The following RBFOX1 variants were observed in gnomAD, a reference collection of about 807,000 sequenced individuals.
The protein encoded by RBFOX1 is RNA binding protein fox-1 homolog 1.
A neutral mutation model predicts 57.7 loss-of-function variants in RBFOX1; 8 were observed. The observed-to-expected ratio is 0.14, with a 90% CI of 0.08 to 0.25. RBFOX1 has a LOEUF of 0.25. Ranked by LOEUF, RBFOX1 falls within the 10% of genes least tolerant of loss-of-function variation. RBFOX1 has a pLI of 1.00. For missense variants in RBFOX1, 611 were observed against 548.5 expected (o/e 1.11, Z -1.14); for synonymous variants, 326 against 222.4 (o/e 1.47, Z -4.15).
At chr16:7,424,771 A>G (rs2098593777) in intron 4 of RBFOX1, among the ~76,000 whole-genome samples, 1 of 152,206 alleles carries the variant, frequency 6.6e-6, no homozygotes, top group African/African-American at 2.4e-5. Flanking sequence ...CAAACAAACA[A>G]ACAAACAGTG....
intron 3 of RBFOX1, among the ~76,000 whole-genome samples, chr16:6,759,876 G>C (rs1168911453): frequency 6.6e-6 from 1 of 152,168 alleles, no homozygotes; most frequent in Non-Finnish European, 1.5e-5. Flanking sequence ...ACAGCGAACT[G>C]ATGAAATCAA....
intron 2 of RBFOX1, among the ~76,000 whole-genome samples, chr16:6,500,044 T>C (rs1005870201): frequency 2.6e-5 from 4 of 152,158 alleles, no homozygotes; most frequent in African/African-American, 9.7e-5. Context: ...AATGTTTTAT[T>C]TCTTCTTTTG....
chr16:7,005,742 T>G (rs1228269482), intron 3 of RBFOX1, among the ~76,000 whole-genome samples: 2 of 152,212 alleles, frequency 1.3e-5, no homozygotes, highest in Non-Finnish European at 2.9e-5. Flanking sequence ...GGTGATCATG[T>G]CTGAACTCAG....
chr16:5,299,147 C>T (rs191119805), intron 1 of RBFOX1, among the ~76,000 whole-genome samples: 64 of 152,018 alleles, frequency 4.2e-4, no homozygotes, highest in African/African-American at 1.5e-3. Flanking sequence ...ATTAAATTTG[C>T]CACTTCTTGG....
intron 3 of RBFOX1, among the ~76,000 whole-genome samples, chr16:7,010,719 A>G (rs2093614862): frequency 6.6e-6 from 1 of 152,056 alleles, no homozygotes; most frequent in South Asian, 2.1e-4. Context: ...GCATGCCACC[A>G]CTGCCCGGCT....
chr16:5,614,695 T>C (rs912559283), intron 3 of RBFOX1, among the ~76,000 whole-genome samples: 1 of 152,146 alleles, frequency 6.6e-6, no homozygotes, highest in African/African-American at 2.4e-5. Flanking sequence ...CCTGTACATA[T>C]CTTGTACTAG....
At chr16:6,887,932 G>A (rs2064495034) in intron 3 of RBFOX1, among the ~76,000 whole-genome samples, 1 of 152,098 alleles carries the variant, frequency 6.6e-6, no homozygotes, top group African/African-American at 2.4e-5. Context: ...AAAGTGCTGG[G>A]ATTATAGGTG....
chr16:7,060,967 C>T (rs1222758633), intron 4 of RBFOX1, among the ~76,000 whole-genome samples: 2 of 152,086 alleles, frequency 1.3e-5, no homozygotes, highest in Non-Finnish European at 2.9e-5. Context: ...TACAGAGAAC[C>T]CTCAGGATTC....
At chr16:6,184,666 T>G (rs1452260724) in intron 1 of RBFOX1, among the ~76,000 whole-genome samples, 1 of 152,088 alleles carries the variant, frequency 6.6e-6, no homozygotes, top group Admixed American at 6.5e-5. Context: ...TTCAAGCAAT[T>G]CTCCTGCCTC....
chr16:6,126,320 T>C (rs1422196542), intron 1 of RBFOX1, among the ~76,000 whole-genome samples: 3 of 152,228 alleles, frequency 2.0e-5, no homozygotes, highest in Admixed American at 2.0e-4. Context: ...CTTACCTTCC[T>C]ACTGGTGCCA....
chr16:7,173,318 C>T (rs1329659211), intron 4 of RBFOX1, among the ~76,000 whole-genome samples: 1 of 152,152 alleles, frequency 6.6e-6, no homozygotes, highest in Non-Finnish European at 1.5e-5. Flanking sequence ...AAACTAATAG[C>T]TGGAGCTCAG....
At chr16:5,741,291 G>A (rs1190355064) in intron 3 of RBFOX1, among the ~76,000 whole-genome samples, 1 of 152,164 alleles carries the variant, frequency 6.6e-6, no homozygotes, top group Non-Finnish European at 1.5e-5. Flanking sequence ...AAGGCCGCAA[G>A]CCCATCAATC....
At chr16:6,053,791 C>A (rs1346559555) in intron 1 of RBFOX1, among the ~76,000 whole-genome samples, 2 of 152,082 alleles carry the variant, frequency 1.3e-5, no homozygotes, top group East Asian at 3.9e-4. Flanking sequence ...AGTGGCCTGC[C>A]CCATACCTAT....
At chr16:5,503,155 G>A (rs2043257913) in intron 2 of RBFOX1, among the ~76,000 whole-genome samples, 1 of 152,208 alleles carries the variant, frequency 6.6e-6, no homozygotes, top group Non-Finnish European at 1.5e-5. Flanking sequence ...ATTGACTGCT[G>A]TGTGACTTCC....
intron 5 of RBFOX1, among the ~76,000 whole-genome samples, chr16:7,569,021 T>C (rs530094474): frequency 1.3e-5 from 2 of 152,212 alleles, no homozygotes; most frequent in Admixed American, 6.5e-5. Context: ...TTACGGTCAT[T>C]GTCCTAGGGA....
intron 9 of RBFOX1, among the ~76,000 whole-genome samples, chr16:7,600,454 T>C (rs1229479661): frequency 6.6e-6 from 1 of 152,064 alleles, no homozygotes; most frequent in Non-Finnish European, 1.5e-5. Context: ...TGAAAAAATA[T>C]AGGGCCCTTT....
chr16:6,848,637 G>C (rs141838999), intron 3 of RBFOX1, among the ~76,000 whole-genome samples: 56 of 152,184 alleles, frequency 3.7e-4, no homozygotes, highest in African/African-American at 1.3e-3. Flanking sequence ...AGAGATGATG[G>C]AAGGAAGGAA....
intron 1 of RBFOX1, among the ~76,000 whole-genome samples, chr16:6,141,273 C>T (rs2096713817): frequency 6.6e-6 from 1 of 152,200 alleles, no homozygotes. Context: ...TCCTCCCTAA[C>T]ACTTTATGAG....
At chr16:6,805,210 C>G (rs1370848260) in intron 3 of RBFOX1, among the ~76,000 whole-genome samples, 1 of 152,110 alleles carries the variant, frequency 6.6e-6, no homozygotes, top group Non-Finnish European at 1.5e-5. Context: ...ACTATGCAGC[C>G]ATAAAAAATG....
Sources: allele counts gnomAD v4.1 joint callset (sites outside exome capture counted in the v4.1 genomes callset), GRCh38; gene constraint gnomAD v4.1.1; transcripts MANE v1.5; gene names NCBI Gene and HGNC (gene_info 2026-07-23, HGNC 2026-07-21).